TTI1: variants seen among roughly 807,000 people sequenced by gnomAD.
TTI1 encodes the protein TELO2-interacting protein 1 homolog.
TTI1 carries 52 observed loss-of-function variants against 85.4 expected under a neutral mutation model. The observed-to-expected ratio is 0.61, with a 90% CI of 0.49 to 0.77. The LOEUF (loss-of-function observed/expected upper bound fraction) is 0.77, where lower values mean the gene tolerates loss of function less well. Ranked by LOEUF, TTI1 falls within the 30% of genes least tolerant of loss-of-function variation. The probability of loss-of-function intolerance (pLI) is 0.00; values close to 1 mark genes in which losing one functional copy is unlikely to be tolerated. For synonymous variants in TTI1, 512 were observed against 503.9 expected (o/e 1.02, Z -0.22); for missense variants, 1,173 against 1,296.0 (o/e 0.91, Z 1.46).
At position 37,983,335 on chromosome 20, in the gene TTI1, T is replaced by C. The variant is rs1311211128; in HGVS notation, c.*121A>G. The C allele has an allele frequency of 8.5e-6, 8 of 945,640 alleles. 1 individual carries two copies. The highest frequency in any genetic ancestry group is 5.1e-5 in the South Asian group (3 of 59,210). The allele number at this position is 945,640 out of a possible 1,614,324, so 58.6% of individuals were successfully genotyped here. On this transcript the variant is annotated 3_prime_UTR_variant, in exon 8 of 8. Transcript: ENST00000373447. ...TGTGATCGATCAATTTATAAATCGA[T>C]TGGCTAACTAATTCACCTTCTCTGC...
rs375916134 is a variant in TTI1 at position 37,996,942 on chromosome 20, G to A, written c.2805C>T (p.Thr935=). 9 of 1,613,674 alleles carry A rather than the reference G, an allele frequency of 5.6e-6. No individual in the cohort carries two copies. Among genetic ancestry groups the A allele is most frequent in the Middle Eastern group, 1.7e-4 (1 of 6,060 alleles). ...AVLRAFKVLR[T]LGSKCGDFLR... is the part of the protein sequence containing the mutation. The stretch of plus-strand genomic sequence containing the variant: ...GAAAGTCACCACACTTGCTTCCCAG[G>A]GTACGTAAAACCTGCAGAAACAGCC... The change falls in exon 6 of 8, where the codon ACC becomes ACT. Residue 935 remains threonine (T), a synonymous_variant. Transcript: ENST00000373447.
intron 1 of TTI1, among the ~76,000 whole-genome samples, chr20:38,030,910 T>G (rs1055793323): frequency 2.0e-5 from 3 of 152,236 alleles, no homozygotes; most frequent in Non-Finnish European, 4.4e-5. Context: ...AACCCACTCT[T>G]TTCTGTAATT....
chr20:37,995,595 T>C (rs575105550), intron 7 of TTI1, among the ~76,000 whole-genome samples: 1 of 152,332 alleles, frequency 6.6e-6, no homozygotes, highest in Admixed American at 6.5e-5. Context: ...AGTTCCAGGA[T>C]GCAGGCTGCT....
At position 38,013,648 on chromosome 20, in the gene TTI1, G is replaced by T. The variant is rs146543753; in HGVS notation, c.169C>A (p.Arg57=). 372 of 1,614,058 alleles carry T rather than the reference G, an allele frequency of 2.3e-4. 1 individual carries two copies. Among genetic ancestry groups the T allele is most frequent in the Non-Finnish European group, 4.7e-5 (56 of 1,180,040 alleles). Residue 57 remains arginine (R), a synonymous_variant, in exon 2 of 8, where the codon CGA becomes AGA. Transcript: ENST00000373447. ...ELQQYILFPL[R]FTLKTPGPKR... ...GGACCTGGGGTCTTCAGGGTAAATC[G>T]CAGAGGGAAGAGGATGTACTGCTGA...
intron 5 of TTI1, 113 bp from the exon 6 acceptor site, chr20:37,997,066 T>A: frequency 2.7e-6 from 3 of 1,120,062 alleles, no homozygotes; most frequent in South Asian, 1.6e-5. Context: ...AAAAAAAAAA[T>A]AGAATTACTG....
intron 4 of TTI1, 89 bp downstream of exon 4, chr20:38,002,539 G>T: frequency 1.3e-6 from 2 of 1,531,166 alleles, no homozygotes; most frequent in Non-Finnish European, 8.9e-7. Context: ...GATAAGGGGA[G>T]CTACGTGCTC....
At chr20:37,991,745 C>A (rs1356015699) in intron 7 of TTI1, among the ~76,000 whole-genome samples, 1 of 152,166 alleles carries the variant, frequency 6.6e-6, no homozygotes, top group East Asian at 1.9e-4. Context: ...CATACATGTA[C>A]CCCACATAGG....
intron 1 of TTI1, among the ~76,000 whole-genome samples, chr20:38,015,595 G>T (rs2073671263): frequency 2.0e-5 from 3 of 152,096 alleles, no homozygotes; most frequent in Non-Finnish European, 2.9e-5. Context: ...TTGAGGTGGT[G>T]AATCTTAGAT....
chr20:38,021,514 G>A (rs973849478), intron 1 of TTI1, among the ~76,000 whole-genome samples: 9 of 152,210 alleles, frequency 5.9e-5, no homozygotes, highest in African/African-American at 1.4e-4. Context: ...ACTGGGATGA[G>A]GCATTCAGAA....
At chr20:38,002,586 T>C (rs955228065) in intron 4 of TTI1, 42 bp downstream of exon 4, 1 of 1,608,656 alleles carries the variant, frequency 6.2e-7, no homozygotes, top group East Asian at 2.2e-5. Flanking sequence ...CACACCTTAG[T>C]CCTGCTACTC....
rs759547278 is a variant in TTI1, at chr20:38,011,703, T to C, written c.2114A>G (p.Asn705Ser). The change falls in exon 2 of 8, where the codon AAT becomes AGT. Residue 705 changes from asparagine to serine, a missense_variant. Transcript: ENST00000373447. Reference protein sequence around the residue: ...SDYLVNGISLNLRHLALHPHT... With the variant: ...SDYLVNGISLSLRHLALHPHT... Reference sequence around the variant, plus strand: ...AGGATGCAGAGCCAGATGACGCAGATTTAAAGAGATCCCATTCACTAAATA... The same window carrying C: ...AGGATGCAGAGCCAGATGACGCAGACTTAAAGAGATCCCATTCACTAAATA... 3 of 1,614,050 alleles carry C rather than the reference T, an allele frequency of 1.9e-6. No individual in the cohort carries two copies. Among genetic ancestry groups the C allele is most frequent in the African/African-American group, 1.3e-5 (1 of 74,916 alleles).
At chr20:38,024,399 C>A (rs1004609288) in intron 1 of TTI1, among the ~76,000 whole-genome samples, 6 of 152,020 alleles carry the variant, frequency 3.9e-5, no homozygotes, top group Non-Finnish European at 8.8e-5. Context: ...ATATATAAAG[C>A]AAATACAAGA....
chr20:38,006,657 C>A lies in TTI1; in HGVS notation c.2303-260G>T, dbSNP rs1016552758. Among the ~76,000 whole-genome samples, 12 of 152,218 alleles carry A rather than the reference C, an allele frequency of 7.9e-5. No individual in the cohort carries two copies. The South Asian group carries it at 8.3e-4, about 10-fold the overall frequency. On this transcript the variant is annotated intron_variant, in intron 2 of 7. Coordinates refer to ENST00000373447, the MANE Select transcript of TTI1 (RefSeq NM_001303457.2). ...TCCCATCTACTTCACATCTGGTTAA[C>A]TCCAAATCACTTTTCACATCTCAGA...
rs1555795336 is a variant in TTI1 at position 38,017,435 on chromosome 20, TGC to T, written c.-41-3580_-41-3579del. Among the ~76,000 whole-genome samples, 307 of 146,218 alleles carry T rather than the reference TGC, an allele frequency of 2.1e-3. 1 individual carries two copies. Among genetic ancestry groups the T allele is most frequent in the African/African-American group, 7.7e-3 (301 of 38,918 alleles). ...GTGTGTGTGTGTGTGTGTGTGTGTG[TGC>T]GCGCGCGCCTTTGGTGTGTGCGCAC... On this transcript the variant is annotated intron_variant, in intron 1 of 7. Transcript: ENST00000373447.
chr20:38,020,350 A>ATATATATATATCTATATATATATG (rs1487473454), intron 1 of TTI1, among the ~76,000 whole-genome samples: 1 of 125,854 alleles, frequency 7.9e-6, no homozygotes. Flanking sequence ...ATATATATAT[A>ATATATATATATCTATATATATATG]TATGTATGTA....
chr20:38,031,285 C>G (rs1326822476), intron 1 of TTI1, among the ~76,000 whole-genome samples: 3 of 152,238 alleles, frequency 2.0e-5, no homozygotes, highest in African/African-American at 7.2e-5. Flanking sequence ...CTACAAGTCA[C>G]CATGTGATGC....
chr20:38,016,419 T>C (rs576542557), intron 1 of TTI1, among the ~76,000 whole-genome samples: 2 of 152,332 alleles, frequency 1.3e-5, no homozygotes, highest in Non-Finnish European at 2.9e-5. Context: ...AGAAGATAAC[T>C]TGGGGTCCGC....
intron 1 of TTI1, among the ~76,000 whole-genome samples, chr20:38,022,396 T>C (rs888209763): frequency 6.6e-6 from 1 of 152,218 alleles, no homozygotes; most frequent in Non-Finnish European, 1.5e-5. Context: ...ATCATCTACC[T>C]GTTTGTTTAC....
intron 1 of TTI1, 147 bp from the exon 2 acceptor site, chr20:38,014,004 CT>C (rs2073645209): frequency 1.4e-6 from 1 of 727,340 alleles, no homozygotes; most frequent in Admixed American, 3.0e-5. Flanking sequence ...ACTGAGCCCC[CT>C]GTCTAGTGAG....
Sources: allele counts gnomAD v4.1 joint callset (sites outside exome capture counted in the v4.1 genomes callset), GRCh38; gene constraint gnomAD v4.1.1; transcripts MANE v1.5; gene names NCBI Gene and HGNC (gene_info 2026-07-23, HGNC 2026-07-21).